Variants in SPINK5 observed in about 807,000 individuals in gnomAD.
SPINK5 encodes serine protease inhibitor Kazal-type 5.
SPINK5 carries 125 observed loss-of-function variants against 151.8 expected under a neutral mutation model. That is an observed-to-expected ratio of 0.82 (90% CI 0.71 to 0.96). SPINK5 has a LOEUF of 0.96. Among genes scored for constraint, SPINK5 ranks in the 40% least tolerant of loss-of-function variants. SPINK5 has a pLI of 0.00. For missense variants in SPINK5, 1,194 were observed against 1,291.9 expected (o/e 0.92, Z 1.16); for synonymous variants, 374 against 395.3 (o/e 0.95, Z 0.64).
At chr5:148,080,938 A>G (rs762484052) in intron 4 of SPINK5, among the ~76,000 whole-genome samples, 1 of 151,588 alleles carries the variant, frequency 6.6e-6, no homozygotes, top group Non-Finnish European at 1.5e-5. Context: ...ACCTCTTACA[A>G]CCTTATTATA....
At position 148,123,845 on chromosome 5, in the gene SPINK5, G is replaced by A. The variant is rs371554638; in HGVS notation, c.2551G>A (p.Glu851Lys). The change falls in exon 27 of 33, where the codon GAA becomes AAA. Residue 851 changes from glutamate (E) to lysine (K), a missense_variant. Transcript: ENST00000256084. The stretch of plus-strand genomic sequence containing the variant: ...CTACTGTTGGTAGGATCTGTGTCGT[G>A]AATTTCGAAGCATGCAGAGAAATGG... ...RSNDKEDLCR[E>K]FRSMQRNGKL... 1.5e-5 allele frequency: 24 copies of A among 1,613,716 alleles called. No homozygotes were observed. The highest frequency in any genetic ancestry group is 1.9e-5 in the Non-Finnish European group (23 of 1,179,976).
At chr5:148,125,984 A>G in intron 29 of SPINK5, 134 bp downstream of exon 29, 2 of 1,322,526 alleles carry the variant, frequency 1.5e-6, no homozygotes, top group Non-Finnish European at 2.2e-6. Context: ...AAAGCCCTCA[A>G]ATTGAGAACA....
chr5:148,066,592 G>T lies in SPINK5; in HGVS notation c.81+1220G>T, dbSNP rs1208778019. 2.0e-5 allele frequency among the ~76,000 whole-genome samples: 3 copies of T among 152,128 alleles called. No individual in the cohort carries two copies. The East Asian group carries it at 5.8e-4, about 29-fold the overall frequency. Reference sequence around the variant, plus strand: ...TCATGTTCTCTACTATTTCATCTAAGTTTACTGATAGGGAGAGGTCCAGAA... The same window carrying T: ...TCATGTTCTCTACTATTTCATCTAATTTTACTGATAGGGAGAGGTCCAGAA... On this transcript the variant is annotated intron_variant, in intron 2 of 32. Coordinates refer to ENST00000256084, the MANE Select transcript of SPINK5 (RefSeq NM_006846.4).
chr5:148,130,069 T>C (rs1754534380), intron 30 of SPINK5, among the ~76,000 whole-genome samples: 1 of 152,006 alleles, frequency 6.6e-6, no homozygotes. Context: ...ATTTCATCAA[T>C]TTCTCCTCTT....
chr5:148,067,792 A>G (rs1388156743), intron 2 of SPINK5, among the ~76,000 whole-genome samples: 5 of 152,122 alleles, frequency 3.3e-5, no homozygotes, highest in African/African-American at 7.2e-5. Flanking sequence ...AATTTTTCTT[A>G]TAAGTAGAGA....
At chr5:148,121,169 G>GAAAAAAAAAAAAAAAAAAA (rs1754253985) in intron 26 of SPINK5, among the ~76,000 whole-genome samples, 1 of 123,906 alleles carries the variant, frequency 8.1e-6, no homozygotes, top group African/African-American at 2.8e-5. Flanking sequence ...AAAAAAAAAG[G>GAAAAAAAAAAAAAAAAAAA]AAAAGAAAAA....
intron 20 of SPINK5, 79 bp from the exon 21 acceptor site, chr5:148,114,283 C>CTTTT: frequency 8.1e-7 from 1 of 1,239,446 alleles, no homozygotes; most frequent in Admixed American, 3.0e-5. Flanking sequence ...TTTTTTTTTT[C>CTTTT]TATAAAGCAC....
chr5:148,068,057 C>G (rs1752630824), intron 2 of SPINK5, among the ~76,000 whole-genome samples: 1 of 152,098 alleles, frequency 6.6e-6, no homozygotes, highest in African/African-American at 2.4e-5. Flanking sequence ...TTCTCTGATT[C>G]TACTATATGG....
At chr5:148,122,817 C>T (rs1754305141) in intron 26 of SPINK5, among the ~76,000 whole-genome samples, 1 of 151,152 alleles carries the variant, frequency 6.6e-6, no homozygotes, top group Non-Finnish European at 1.5e-5. Context: ...ATTTTTACAA[C>T]CACTAAAGGA....
At chr5:148,125,017 T>A in intron 28 of SPINK5, 180 bp downstream of exon 28, 1 of 875,656 alleles carries the variant, frequency 1.1e-6, no homozygotes. Flanking sequence ...GTTTGATACC[T>A]TTTTTGATTT....
In SPINK5 at chr5:148,097,870, C is replaced by G. The variant is rs1753510621; in HGVS notation, c.886C>G (p.Leu296Val). 2 of 1,607,038 alleles carry G rather than the reference C, an allele frequency of 1.2e-6. No homozygotes were observed. Among genetic ancestry groups the G allele is most frequent in the Non-Finnish European group, 8.5e-7 (1 of 1,174,322 alleles). ...KTKVKREIVKLCSQYQNQAKN... is the reference protein window; with the variant it reads ...KTKVKREIVKVCSQYQNQAKN... ...CTTTTTCTTATTCATTATTCAGAAA[C>G]TCTGCAGTCAATATCAAAATCAGGC... Residue 296 changes from leucine (L) to valine (V), a missense_variant, in exon 11 of 33, where the codon CTC becomes GTC. Transcript: ENST00000256084.
chr5:148,130,883 T>C (rs1213113368), intron 30 of SPINK5, among the ~76,000 whole-genome samples: 1 of 152,186 alleles, frequency 6.6e-6, no homozygotes, highest in Non-Finnish European at 1.5e-5. Context: ...CCTCTGAGTC[T>C]TTCCTTTCTA....
Position 148,119,019 on chromosome 5 carries a change from T to G in SPINK5, c.2274T>G (p.Ser758=). The G allele has an allele frequency of 1.2e-6, 2 of 1,614,090 alleles. No homozygotes were observed. The highest frequency in any genetic ancestry group is 1.7e-6 in the Non-Finnish European group (2 of 1,179,974). Residue 758 remains serine, a synonymous_variant, in exon 24 of 33, where the codon TCT becomes TCG. Coordinates refer to ENST00000256084, the MANE Select transcript of SPINK5 (RefSeq NM_006846.4). The part of the protein sequence containing the change: ...EREAERKNEY[S]RSRSNGTGSE... Reference sequence around the variant, plus strand: ...AAGCAGAGAGAAAAAATGAGTATTCTCGCTCCAGATCAAATGGGACTGGAT... The same window carrying G: ...AAGCAGAGAGAAAAAATGAGTATTCGCGCTCCAGATCAAATGGGACTGGAT...
intron 19 of SPINK5, 86 bp from the exon 20 acceptor site, chr5:148,112,782 A>G (rs1300368120): frequency 1.6e-5 from 26 of 1,585,592 alleles, no homozygotes; most frequent in African/African-American, 5.4e-5. Context: ...GAAGTAATGG[A>G]CCATTTTTAT....
intron 26 of SPINK5, among the ~76,000 whole-genome samples, chr5:148,123,530 T>C (rs1307469717): frequency 7.5e-5 from 2 of 26,710 alleles, no homozygotes; most frequent in African/African-American, 1.8e-4. Context: ...TGTATATATA[T>C]ATATATATAT....
chr5:148,074,291 C>T (rs1363696012), intron 4 of SPINK5, among the ~76,000 whole-genome samples: 1 of 151,736 alleles, frequency 6.6e-6, no homozygotes, highest in Non-Finnish European at 1.5e-5. Context: ...CTAGTATTCC[C>T]TCCATTAACA....
intron 8 of SPINK5, among the ~76,000 whole-genome samples, chr5:148,092,509 C>A (rs1424424358): frequency 6.6e-6 from 1 of 151,758 alleles, no homozygotes; most frequent in African/African-American, 2.4e-5. Flanking sequence ...TTCCCTCTTC[C>A]TCTCTGTGGC....
chr5:148,130,510 C>T (rs1454624170), intron 30 of SPINK5, among the ~76,000 whole-genome samples: 1 of 151,820 alleles, frequency 6.6e-6, no homozygotes, highest in African/African-American at 2.4e-5. Flanking sequence ...TACTTTTTGC[C>T]TTTTTAAAAA....
intron 22 of SPINK5, among the ~76,000 whole-genome samples, chr5:148,117,657 T>G (rs1442169299): frequency 1.3e-5 from 2 of 152,186 alleles, no homozygotes; most frequent in Non-Finnish European, 2.9e-5. Context: ...ATTTCCCAGG[T>G]CCACTTGTAC....
Sources: gnomAD v4.1 joint callset for allele counts (sites outside exome capture counted in the v4.1 genomes callset) on GRCh38, gnomAD v4.1.1 for gene constraint, MANE v1.5 for transcripts, NCBI Gene and HGNC (gene_info 2026-07-23, HGNC 2026-07-21) for gene names.